SLC4A5: variants seen among roughly 807,000 people sequenced by gnomAD.
The protein encoded by SLC4A5 is electrogenic sodium bicarbonate cotransporter 4.
A neutral mutation model predicts 120.4 loss-of-function variants in SLC4A5; 96 were observed. That is an observed-to-expected ratio of 0.80 (90% CI 0.68 to 0.94). The LOEUF (loss-of-function observed/expected upper bound fraction) is 0.94, where lower values mean the gene tolerates loss of function less well. Among genes scored for constraint, SLC4A5 ranks in the 40% least tolerant of loss-of-function variants. SLC4A5 has a pLI of 0.00. For missense variants in SLC4A5, 1,259 were observed against 1,459.5 expected (o/e 0.86, Z 2.24); for synonymous variants, 550 against 571.1 (o/e 0.96, Z 0.53).
intron 7 of SLC4A5, chr2:74,290,435 A>C (rs1358543039): frequency 1.7e-5 from 17 of 985,468 alleles, no homozygotes; most frequent in Non-Finnish European, 1.9e-5. Context: ...TGAGGGGAGA[A>C]AAAGAGAGAG....
chr2:74,242,150 A>G, intron 19 of SLC4A5, 98 bp from the exon 20 acceptor site: 1 of 1,139,776 alleles, frequency 8.8e-7, no homozygotes, highest in South Asian at 1.3e-5. Flanking sequence ...CCTTAGAGCC[A>G]AGGCCTGGCT....
At chr2:74,259,518 C>T in intron 12 of SLC4A5, 70 bp downstream of exon 12, 3 of 1,527,534 alleles carry the variant, frequency 2.0e-6, no homozygotes, top group Non-Finnish European at 2.7e-6. Flanking sequence ...TAGGGGATCC[C>T]TGCTCCTGAA....
At position 74,323,183 on chromosome 2, in the gene SLC4A5, T is replaced by G. The variant is rs961167709; in HGVS notation, c.-3+4937A>C. On this transcript the variant is annotated intron_variant, in intron 5 of 30. Coordinates refer to ENST00000394019, the Ensembl canonical transcript of SLC4A5. ...TGAACCCAGGAGGTGGAGGTTGCAG[T>G]GAGCTGAGATTGTGCCACTGCATTC... Among the ~76,000 whole-genome samples the G allele has an allele frequency of 2.0e-5, 3 of 152,002 alleles. No individual in the cohort carries two copies. The East Asian group carries it at 5.8e-4, about 29-fold the overall frequency.
At chr2:74,270,857 A>G (rs2104083193) in intron 8 of SLC4A5, among the ~76,000 whole-genome samples, 1 of 152,324 alleles carries the variant, frequency 6.6e-6, no homozygotes, top group South Asian at 2.1e-4. Context: ...CAACGCAGGC[A>G]AACGTAGCTC....
chr2:74,232,412 T>C (rs2103913363), intron 24 of SLC4A5, 57 bp downstream of exon 24: 1 of 1,568,408 alleles, frequency 6.4e-7, no homozygotes. Context: ...AGCCAGCTTC[T>C]CCTCCCCGAG....
In SLC4A5 at chr2:74,223,963, T is replaced by G. The variant is rs116445816; in HGVS notation, c.3246+877A>C. 6.3e-3 allele frequency among the ~76,000 whole-genome samples: 966 copies of G among 152,306 alleles called. 15 individuals carry two copies. The highest frequency in any genetic ancestry group is 0.022 in the African/African-American group (910 of 41,562). On this transcript the variant is annotated intron_variant, in intron 28 of 30. Transcript: ENST00000394019. ...CAGGGTGGATGCAGGGACGTGAGTT[T>G]GGGTCAAATTGGGAGATTGGGAACC...
chr2:74,259,082 A>G (rs529070714), intron 12 of SLC4A5, among the ~76,000 whole-genome samples: 84 of 152,296 alleles, frequency 5.5e-4, no homozygotes, highest in African/African-American at 1.9e-3. Context: ...AACTGGACCC[A>G]ATTTGTTTGC....
exon 11 of SLC4A5, chr2:74,262,195 A>G: frequency 6.2e-7 from 1 of 1,605,080 alleles, no homozygotes; most frequent in Non-Finnish European, 8.5e-7. Flanking sequence ...AGTGGTGTAG[A>G]CTCGGGCCAG....
At position 74,231,336 on chromosome 2, in the gene SLC4A5, T is replaced by A. The variant is rs747196078; in HGVS notation, c.2775-28A>T. The A allele has an allele frequency of 3.6e-5, 57 of 1,600,636 alleles. 1 individual carries two copies. The highest frequency in any genetic ancestry group is 8.5e-7 in the Non-Finnish European group (1 of 1,171,698). On this transcript the variant is annotated intron_variant, in intron 24 of 30. Transcript: ENST00000394019. Reference sequence around the variant, plus strand: ...GGCAGAGAAGAACACATGGTCAGGGTGTACCAGGAAATGCCTGGCAACTAC... The same window carrying A: ...GGCAGAGAAGAACACATGGTCAGGGAGTACCAGGAAATGCCTGGCAACTAC...
intron 13 of SLC4A5, 99 bp from the exon 14 acceptor site, chr2:74,254,805 T>C: frequency 2.3e-6 from 2 of 862,594 alleles, no homozygotes; most frequent in South Asian, 1.5e-5. Context: ...TCTCTGGCCC[T>C]GAACAGTATG....
chr2:74,297,301 T>C (rs1672359395), intron 7 of SLC4A5, among the ~76,000 whole-genome samples: 1 of 152,212 alleles, frequency 6.6e-6, no homozygotes, highest in Non-Finnish European at 1.5e-5. Flanking sequence ...CTAATATCTA[T>C]TTATCTCTCA....
chr2:74,222,295 C>T (rs559107802), intron 29 of SLC4A5, among the ~76,000 whole-genome samples: 1 of 152,092 alleles, frequency 6.6e-6, no homozygotes, highest in Non-Finnish European at 1.5e-5. Context: ...TCTGGGGACA[C>T]CTGGGGAAAG....
At chr2:74,227,380 C>G in intron 26 of SLC4A5, 3 of 1,301,950 alleles carry the variant, frequency 2.3e-6, no homozygotes, top group Non-Finnish European at 3.2e-6. Context: ...TGTCCATATT[C>G]AGGGAAAGTG....
chr2:74,310,486 G>A lies in SLC4A5; in HGVS notation c.79+4459C>T, dbSNP rs758897150. On this transcript the variant is annotated intron_variant, in intron 6 of 30. Coordinates refer to ENST00000394019, the Ensembl canonical transcript of SLC4A5. Reference sequence around the variant, plus strand: ...TTGAGGAAATTTCCCTCTATTCCTAGTTTACTGCAAGTTTTTATTATGAAT... The same window carrying A: ...TTGAGGAAATTTCCCTCTATTCCTAATTTACTGCAAGTTTTTATTATGAAT... Among the ~76,000 whole-genome samples, 7 of 152,058 alleles carry A rather than the reference G, an allele frequency of 4.6e-5. No homozygotes were observed. The South Asian group carries it at 8.3e-4, about 18-fold the overall frequency.
chr2:74,219,221 T>TGTGTGTGTGTG (rs1558861679), intron 30 of SLC4A5, among the ~76,000 whole-genome samples: 6 of 90,276 alleles, frequency 6.6e-5, no homozygotes, highest in Admixed American at 2.0e-4. Flanking sequence ...GTGTGTGTGT[T>TGTGTGTGTGTG]TGTGTGTGTT....
chr2:74,264,839 T>C (rs1179642106), intron 9 of SLC4A5, among the ~76,000 whole-genome samples: 2 of 152,196 alleles, frequency 1.3e-5, no homozygotes, highest in African/African-American at 2.4e-5. Context: ...TCTCTGACTA[T>C]GCAAGAGGCC....
chr2:74,319,910 G>C (rs886141177), intron 5 of SLC4A5, among the ~76,000 whole-genome samples: 2 of 152,146 alleles, frequency 1.3e-5, no homozygotes, highest in Non-Finnish European at 2.9e-5. Flanking sequence ...GACCAAATTA[G>C]AGGAAATCAC....
intron 6 of SLC4A5, chr2:74,307,746 G>A (rs1244164930): frequency 2.3e-5 from 16 of 698,450 alleles, no homozygotes; most frequent in Admixed American, 1.3e-4. Flanking sequence ...CCAGGAGGTC[G>A]TTCAGGCTTT....
rs376965109 is a variant in SLC4A5 at position 74,220,610 on chromosome 2, A to G, written c.*33+824T>C. ...CGGCTCACTGCAAGCTCCGCCTCCC[A>G]GGTTCACGCCATTCTCCTGCCTCAG... On this transcript the variant is annotated intron_variant, in intron 30 of 30. Coordinates refer to ENST00000394019, the Ensembl canonical transcript of SLC4A5. Among the ~76,000 whole-genome samples the G allele has an allele frequency of 5.8e-3, 829 of 143,412 alleles. 8 individuals carry two copies. The highest frequency in any genetic ancestry group is 0.018 in the African/African-American group (701 of 38,762). 94.1% of individuals were successfully genotyped at this position (143,412 alleles called of 152,430 possible).
Sources: gnomAD v4.1 joint callset for allele counts (sites outside exome capture counted in the v4.1 genomes callset) on GRCh38, gnomAD v4.1.1 for gene constraint, MANE v1.5 for transcripts, NCBI Gene and HGNC (gene_info 2026-07-23, HGNC 2026-07-21) for gene names.